Variants in CACNA2D1 observed in about 807,000 individuals in gnomAD.
CACNA2D1 encodes calcium voltage-gated channel auxiliary subunit alpha2delta 1, also known as voltage-dependent calcium channel subunit alpha-2/delta-1.
CACNA2D1 carries 53 observed loss-of-function variants against 171.5 expected under a neutral mutation model. That is an observed-to-expected ratio of 0.31 (90% CI 0.25 to 0.39). The LOEUF (loss-of-function observed/expected upper bound fraction) is 0.39, where lower values mean the gene tolerates loss of function less well. CACNA2D1 is among the 10% of genes least tolerant of loss of function. The pLI is 1.00. For synonymous variants in CACNA2D1, 442 were observed against 443.1 expected, an observed-to-expected ratio of 1.00 and a Z score of 0.03; for missense variants, 903 against 1,299.8, an observed-to-expected ratio of 0.69 and a Z score of 4.69.
chr7:82,118,346 C>T (rs968437634), intron 5 of CACNA2D1, among the ~76,000 whole-genome samples: 1 of 152,054 alleles, frequency 6.6e-6, no homozygotes, highest in Non-Finnish European at 1.5e-5. Context: ...CAGGTTTTAA[C>T]TCTACCCTAA....
chr7:82,084,175 AATAC>A (rs1457540782), intron 7 of CACNA2D1, among the ~76,000 whole-genome samples: 1 of 152,146 alleles, frequency 6.6e-6, no homozygotes, highest in East Asian at 1.9e-4. Flanking sequence ...CTCTTTTTAT[AATAC>A]ATATTTATAA....
In CACNA2D1 at chr7:82,136,687, AAAAG is replaced by A. The variant is rs1791658854; in HGVS notation, c.355-15_355-12del. The A allele has an allele frequency of 6.4e-7, 1 of 1,565,448 alleles. No homozygotes were observed. Among genetic ancestry groups the A allele is most frequent in the South Asian group, 1.2e-5 (1 of 86,716 alleles). ...GACAACTTCATTGCTCTACAAAAAAAAAAGAACGCTTTATTGATTTTAATAAAAA... is the reference window on the plus strand; with the variant it reads ...GACAACTTCATTGCTCTACAAAAAAAAACGCTTTATTGATTTTAATAAAAA... On this transcript the variant is annotated splice_polypyrimidine_tract_variant and intron_variant, in intron 4 of 38. Coordinates refer to ENST00000356860, the MANE Select transcript of CACNA2D1 (RefSeq NM_000722.4).
At chr7:82,064,410 T>C (rs1807346908) in intron 8 of CACNA2D1, 56 bp from the exon 9 acceptor site, 1 of 1,303,312 alleles carries the variant, frequency 7.7e-7, no homozygotes, top group Non-Finnish European at 1.1e-6. Flanking sequence ...AACACTGATA[T>C]TTGTTGAATT....
At chr7:82,284,320 C>T (rs535913412) in intron 3 of CACNA2D1, among the ~76,000 whole-genome samples, 15 of 152,092 alleles carry the variant, frequency 9.9e-5, no homozygotes, top group East Asian at 3.9e-4. Context: ...TCTCCAAGGG[C>T]GAGACCATGC....
chr7:82,277,167 T>C (rs1809454487), intron 3 of CACNA2D1, among the ~76,000 whole-genome samples: 2 of 152,194 alleles, frequency 1.3e-5, no homozygotes, highest in Admixed American at 6.6e-5. Context: ...TGTAGCAGTG[T>C]CAGTCTAACT....
chr7:82,278,251 A>T (rs529020969), intron 3 of CACNA2D1, among the ~76,000 whole-genome samples: 1 of 152,270 alleles, frequency 6.6e-6, no homozygotes, highest in East Asian at 1.9e-4. Context: ...AACATCACTG[A>T]TTACCTAATA....
At chr7:82,319,218 C>G (rs1202643302) in intron 3 of CACNA2D1, among the ~76,000 whole-genome samples, 3 of 152,088 alleles carry the variant, frequency 2.0e-5, no homozygotes, top group Non-Finnish European at 4.4e-5. Context: ...ATATAAGATA[C>G]TTGATATTTT....
chr7:82,218,871 AT>A (rs5885277), intron 3 of CACNA2D1, among the ~76,000 whole-genome samples: 7,351 of 152,102 alleles, frequency 0.048, 440 homozygotes, highest in Admixed American at 0.13. Context: ...ATAGTTATGT[AT>A]TTTCATTAAT....
chr7:82,412,927 C>G (rs1474448454), intron 1 of CACNA2D1, among the ~76,000 whole-genome samples: 1 of 151,814 alleles, frequency 6.6e-6, no homozygotes, highest in Non-Finnish European at 1.5e-5. Flanking sequence ...TCTCAAATGA[C>G]AAAAGGAGAA....
At chr7:82,249,407 C>T (rs1368155275) in intron 3 of CACNA2D1, among the ~76,000 whole-genome samples, 4 of 152,108 alleles carry the variant, frequency 2.6e-5, no homozygotes, top group Non-Finnish European at 5.9e-5. Context: ...TTTGCAGGAT[C>T]ATTTGGCTTG....
chr7:82,130,753 C>A (rs1202085873), intron 5 of CACNA2D1, among the ~76,000 whole-genome samples: 3 of 146,128 alleles, frequency 2.1e-5, no homozygotes, highest in African/African-American at 7.6e-5. Flanking sequence ...AAAATAGAAA[C>A]TTTATTTAGT....
intron 25 of CACNA2D1, among the ~76,000 whole-genome samples, chr7:81,972,868 T>C (rs1795433033): frequency 6.6e-6 from 1 of 152,046 alleles, no homozygotes; most frequent in South Asian, 2.1e-4. Flanking sequence ...TTTAAGTTAA[T>C]ATATCTTACA....
At chr7:82,212,963 C>T (rs1046302057) in intron 3 of CACNA2D1, among the ~76,000 whole-genome samples, 4 of 151,410 alleles carry the variant, frequency 2.6e-5, no homozygotes, top group South Asian at 2.1e-4. Context: ...TGCAATGGTG[C>T]GATCTCAGCT....
intron 3 of CACNA2D1, among the ~76,000 whole-genome samples, chr7:82,280,209 G>T (rs534212654): frequency 2.6e-5 from 4 of 152,206 alleles, no homozygotes; most frequent in African/African-American, 9.6e-5. Context: ...GTTAGATTTG[G>T]CTAGTTTCCA....
intron 3 of CACNA2D1, among the ~76,000 whole-genome samples, chr7:82,293,860 T>C (rs1811950140): frequency 1.3e-5 from 2 of 152,194 alleles, no homozygotes; most frequent in South Asian, 2.1e-4. Context: ...CTTCCAGAGA[T>C]ATGAGGTGCA....
chr7:82,181,307 C>T (rs565126721), intron 3 of CACNA2D1, among the ~76,000 whole-genome samples: 2 of 152,236 alleles, frequency 1.3e-5, no homozygotes, highest in African/African-American at 4.8e-5. Context: ...GCTTCAGACT[C>T]TCACTATCAT....
intron 5 of CACNA2D1, among the ~76,000 whole-genome samples, chr7:82,134,054 CAG>C: frequency 6.7e-6 from 1 of 150,098 alleles, no homozygotes; most frequent in South Asian, 2.1e-4. Context: ...GCCTGGGCGA[CAG>C]AGCGAGAGTC....
At chr7:82,364,948 C>A (rs1821512339) in intron 1 of CACNA2D1, among the ~76,000 whole-genome samples, 2 of 151,972 alleles carry the variant, frequency 1.3e-5, no homozygotes. Context: ...GCTAGGAAAC[C>A]CAGGGGAAAT....
chr7:82,364,454 G>A (rs2129447547), intron 1 of CACNA2D1, among the ~76,000 whole-genome samples: 1 of 152,262 alleles, frequency 6.6e-6, no homozygotes, highest in East Asian at 1.9e-4. Flanking sequence ...AAAAAGTTTT[G>A]TTTAAAGACC....
Sources: allele counts gnomAD v4.1 joint callset (sites outside exome capture counted in the v4.1 genomes callset), GRCh38; gene constraint gnomAD v4.1.1; transcripts MANE v1.5; gene names NCBI Gene and HGNC (gene_info 2026-07-23, HGNC 2026-07-21).